The following EFCAB13 variants were observed in gnomAD, a reference collection of about 807,000 sequenced individuals.
EFCAB13 encodes EF-hand calcium-binding domain-containing protein 13.
Under a neutral mutation model 110.2 loss-of-function variants are expected in EFCAB13, and 91 were observed. The ratio of observed to expected loss-of-function variants is 0.83; its 90% CI spans 0.70 to 0.98. EFCAB13 has a LOEUF of 0.98. Among genes scored for constraint, EFCAB13 ranks in the 50% least tolerant of loss-of-function variants. The pLI is 0.00. For missense variants in EFCAB13, 968 were observed against 1,119.4 expected (o/e 0.86, Z 1.93); for synonymous variants, 323 against 369.9 (o/e 0.87, Z 1.45).
chr17:47,337,229 T>C (rs2065356294), intron 5 of EFCAB13, among the ~76,000 whole-genome samples: 2 of 152,244 alleles, frequency 1.3e-5, no homozygotes, highest in African/African-American at 4.8e-5. Context: ...ATTAGCTTTC[T>C]TCAAGATAGG....
chr17:47,397,934 G>A (rs1403319474), intron 17 of EFCAB13, among the ~76,000 whole-genome samples: 8 of 147,936 alleles, frequency 5.4e-5, no homozygotes, highest in Non-Finnish European at 9.0e-5. Flanking sequence ...GTCAGCCCCC[G>A]CTAGGCCAGC....
intron 14 of EFCAB13, among the ~76,000 whole-genome samples, chr17:47,391,197 C>T (rs147364776): frequency 5.9e-5 from 9 of 152,240 alleles, no homozygotes; most frequent in African/African-American, 2.2e-4. Flanking sequence ...CGCCTGGCCT[C>T]TCAAAGTGTT....
At chr17:47,439,225 G>A (rs372137504) in intron 24 of EFCAB13, among the ~76,000 whole-genome samples, 1 of 125,554 alleles carries the variant, frequency 8.0e-6, no homozygotes, top group African/African-American at 3.1e-5. Flanking sequence ...CGCTCAGGCT[G>A]GAGTGCAGTG....
intron 24 of EFCAB13, among the ~76,000 whole-genome samples, chr17:47,438,609 A>AT (rs1950698279): frequency 6.6e-6 from 1 of 150,934 alleles, no homozygotes; most frequent in African/African-American, 2.4e-5. Context: ...TTTCCGGAGC[A>AT]TTTTGCATTT....
intron 9 of EFCAB13, among the ~76,000 whole-genome samples, chr17:47,348,702 A>G (rs1444201612): frequency 1.3e-5 from 2 of 152,050 alleles, no homozygotes; most frequent in Non-Finnish European, 2.9e-5. Context: ...TGATTAAATA[A>G]TGTTGAATAT....
In EFCAB13 at chr17:47,328,351, A is replaced by C; in HGVS notation, c.-3A>C. On this transcript the variant is annotated 5_prime_UTR_variant, in exon 4 of 25. Coordinates refer to ENST00000331493, the MANE Select transcript of EFCAB13 (RefSeq NM_152347.5). ...AGGACAGAATTTACCTCTAAACAGA[A>C]AGATGGAAACTAAAGTACATTTATT... The C allele has an allele frequency of 6.2e-7, 1 of 1,605,068 alleles. No individual in the cohort carries two copies. The highest frequency in any genetic ancestry group is 8.5e-7 in the Non-Finnish European group (1 of 1,173,542).
At chr17:47,404,199 T>C (rs368998317) in intron 19 of EFCAB13, among the ~76,000 whole-genome samples, 178 bp downstream of exon 19, 27 of 152,310 alleles carry the variant, frequency 1.8e-4, no homozygotes, top group African/African-American at 5.5e-4. Context: ...CTAGATTTTG[T>C]GGAAGTGGGC....
chr17:47,385,636 C>G (rs529986255), intron 14 of EFCAB13, among the ~76,000 whole-genome samples: 1 of 152,024 alleles, frequency 6.6e-6, no homozygotes, highest in Non-Finnish European at 1.5e-5. Flanking sequence ...CTTCTGAAGC[C>G]TACGTCTGTC....
chr17:47,336,570 C>T (rs1337651162), intron 5 of EFCAB13, among the ~76,000 whole-genome samples: 2 of 150,084 alleles, frequency 1.3e-5, no homozygotes, highest in Non-Finnish European at 3.0e-5. Flanking sequence ...GGATTATAGG[C>T]GTGAGCCACC....
intron 13 of EFCAB13, among the ~76,000 whole-genome samples, chr17:47,378,529 G>A (rs2065629117): frequency 6.6e-6 from 1 of 152,186 alleles, no homozygotes; most frequent in Admixed American, 6.5e-5. Flanking sequence ...AACATTAGAA[G>A]TGAATCCTCA....
chr17:47,433,400 C>G (rs555252392), intron 24 of EFCAB13, among the ~76,000 whole-genome samples: 4 of 152,054 alleles, frequency 2.6e-5, no homozygotes, highest in African/African-American at 9.7e-5. Context: ...TTGTTAGATG[C>G]AAGTCATAAA....
chr17:47,397,047 T>A (rs1392773693), intron 17 of EFCAB13, among the ~76,000 whole-genome samples: 1 of 123,746 alleles, frequency 8.1e-6, no homozygotes, highest in Admixed American at 8.5e-5. Context: ...CCTCCCCCTT[T>A]CCCTCTCATG....
At chr17:47,382,362 T>C (rs934639216) in intron 14 of EFCAB13, among the ~76,000 whole-genome samples, 1 of 152,212 alleles carries the variant, frequency 6.6e-6, no homozygotes, top group African/African-American at 2.4e-5. Flanking sequence ...TTCTCTTGCC[T>C]GATTGCTGTG....
chr17:47,350,696 A>G (rs1488793263), intron 9 of EFCAB13, among the ~76,000 whole-genome samples: 3 of 151,982 alleles, frequency 2.0e-5, no homozygotes, highest in Non-Finnish European at 4.4e-5. Flanking sequence ...ATCTCTTCCT[A>G]AAAATTTCAG....
intron 10 of EFCAB13, among the ~76,000 whole-genome samples, chr17:47,367,705 G>C (rs1450821444): frequency 6.6e-6 from 1 of 152,154 alleles, no homozygotes; most frequent in African/African-American, 2.4e-5. Flanking sequence ...TTTATGCAGA[G>C]CTCCAGGCCA....
chr17:47,344,377 A>G, intron 7 of EFCAB13, 85 bp downstream of exon 7: 1 of 1,450,132 alleles, frequency 6.9e-7, no homozygotes. Flanking sequence ...CCTTCCACAT[A>G]AAGAATATGA....
chr17:47,361,586 C>T (rs6504872), intron 10 of EFCAB13, 65 bp downstream of exon 10: 643,485 of 1,384,460 alleles, frequency 0.46, 152,004 homozygotes, highest in Non-Finnish European at 0.48. Flanking sequence ...CATTTTTTTC[C>T]GGATATCAAT....
At chr17:47,353,938 T>C (rs1225846049) in intron 9 of EFCAB13, among the ~76,000 whole-genome samples, 1 of 152,188 alleles carries the variant, frequency 6.6e-6, no homozygotes, top group Non-Finnish European at 1.5e-5. Context: ...GGTTTGTTCT[T>C]GTTTCTCTAG....
At chr17:47,344,764 G>C (rs974548093) in intron 7 of EFCAB13, among the ~76,000 whole-genome samples, 1 of 152,046 alleles carries the variant, frequency 6.6e-6, no homozygotes, top group Non-Finnish European at 1.5e-5. Context: ...AGGAAAAATT[G>C]GACCACAGTC....
Sources: gnomAD v4.1 joint callset for allele counts (sites outside exome capture counted in the v4.1 genomes callset) on GRCh38, gnomAD v4.1.1 for gene constraint, MANE v1.5 for transcripts, NCBI Gene and HGNC (gene_info 2026-07-23, HGNC 2026-07-21) for gene names.